The following NRXN3 variants were observed in gnomAD, a reference collection of about 807,000 sequenced individuals.
NRXN3 encodes neurexin 3.
Under a neutral mutation model 137.6 loss-of-function variants are expected in NRXN3, and 32 were observed. The ratio of observed to expected loss-of-function variants is 0.23; its 90% CI spans 0.18 to 0.31. The LOEUF is 0.31. Among genes scored for constraint, NRXN3 ranks in the 10% least tolerant of loss-of-function variants. NRXN3 has a pLI of 1.00. For missense variants in NRXN3, 1,574 were observed against 2,062.5 expected (o/e 0.76, Z 4.59); for synonymous variants, 798 against 784.5 (o/e 1.02, Z -0.29).
intron 16 of NRXN3, among the ~76,000 whole-genome samples, chr14:79,652,061 G>A (rs1361015311): frequency 1.3e-5 from 2 of 152,160 alleles, no homozygotes; most frequent in South Asian, 2.1e-4. Context: ...ATGACCTCCA[G>A]TGGACACAGA....
At chr14:78,886,606 T>C (rs536727190) in intron 10 of NRXN3, among the ~76,000 whole-genome samples, 1 of 152,224 alleles carries the variant, frequency 6.6e-6, no homozygotes, top group South Asian at 2.1e-4. Context: ...GGGAAAGTCA[T>C]AATGGGAATA....
chr14:78,572,510 C>A (rs1006674533), intron 4 of NRXN3, among the ~76,000 whole-genome samples: 1 of 152,220 alleles, frequency 6.6e-6, no homozygotes, highest in African/African-American at 2.4e-5. Context: ...TAAAACCAAA[C>A]CTTCTCTTGG....
intron 15 of NRXN3, among the ~76,000 whole-genome samples, chr14:79,190,698 C>A (rs966773569): frequency 6.6e-6 from 1 of 152,032 alleles, no homozygotes; most frequent in Non-Finnish European, 1.5e-5. Flanking sequence ...GCAAATTATT[C>A]TTAAGATCCC....
intron 4 of NRXN3, among the ~76,000 whole-genome samples, chr14:78,540,768 T>C (rs2096582194): frequency 6.6e-6 from 1 of 152,222 alleles, no homozygotes; most frequent in African/African-American, 2.4e-5. Context: ...GTTGTCTCTT[T>C]CCATGTTTAG....
chr14:79,200,576 A>G (rs7158076), intron 15 of NRXN3, among the ~76,000 whole-genome samples: 35,085 of 152,100 alleles, frequency 0.23, 4,757 homozygotes, highest in African/African-American at 0.36. Flanking sequence ...TCTTACAGTC[A>G]TCACTTTGTC....
intron 15 of NRXN3, among the ~76,000 whole-genome samples, chr14:79,110,710 G>A (rs779860765): frequency 2.6e-5 from 4 of 151,916 alleles, no homozygotes; most frequent in Non-Finnish European, 5.9e-5. Flanking sequence ...ATGAATAAAG[G>A]GTCCTGGGAA....
chr14:79,861,988 G>A lies in NRXN3; in HGVS notation c.*24G>A, dbSNP rs766234602. The A allele has an allele frequency of 1.3e-6, 2 of 1,558,918 alleles. No individual in the cohort carries two copies. The highest frequency in any genetic ancestry group is 1.8e-6 in the Non-Finnish European group (2 of 1,142,652). On this transcript the variant is annotated 3_prime_UTR_variant, in exon 21 of 21. Transcript: ENST00000335750. This position sits in a 1 kb window ranked among gnomAD's most constrained non-coding sequence, Gnocchi z 5.4. Reference sequence around the variant, plus strand: ...AAACATGCGAACACTGCTCACACGCGAGTTTTCACAGTTATTTCTATCCAC... The same window carrying A: ...AAACATGCGAACACTGCTCACACGCAAGTTTTCACAGTTATTTCTATCCAC...
chr14:78,296,612 A>G (rs1230810275), intron 3 of NRXN3, among the ~76,000 whole-genome samples: 1 of 152,210 alleles, frequency 6.6e-6, no homozygotes, highest in East Asian at 1.9e-4. Context: ...CTGGTCCTAG[A>G]GCAACAAATA....
chr14:78,988,832 A>G (rs1312259274), intron 15 of NRXN3, among the ~76,000 whole-genome samples: 3 of 152,054 alleles, frequency 2.0e-5, no homozygotes, highest in Non-Finnish European at 4.4e-5. Context: ...TATATTTTAT[A>G]TGTATATATT....
intron 4 of NRXN3, among the ~76,000 whole-genome samples, chr14:78,520,556 A>T (rs2096270908): frequency 6.6e-6 from 1 of 152,228 alleles, no homozygotes; most frequent in Non-Finnish European, 1.5e-5. Flanking sequence ...AATAGAGTGG[A>T]AAGAATACTG....
chr14:79,100,778 A>T (rs2051138556), intron 15 of NRXN3, among the ~76,000 whole-genome samples: 1 of 152,204 alleles, frequency 6.6e-6, no homozygotes, highest in South Asian at 2.1e-4. Flanking sequence ...TCAAATGGGG[A>T]CATGAAACCC....
At chr14:78,357,167 G>C (rs886952130) in intron 4 of NRXN3, among the ~76,000 whole-genome samples, 1 of 152,188 alleles carries the variant, frequency 6.6e-6, no homozygotes, top group Non-Finnish European at 1.5e-5. Context: ...TGAAGAACTC[G>C]TGGTTTCACG....
At chr14:79,782,843 A>G (rs2099118085) in intron 19 of NRXN3, among the ~76,000 whole-genome samples, 1 of 152,166 alleles carries the variant, frequency 6.6e-6, no homozygotes. Context: ...ATTCCCCCCT[A>G]CATTATGACA....
intron 6 of NRXN3, among the ~76,000 whole-genome samples, chr14:78,675,366 G>T (rs958805520): frequency 1.2e-4 from 19 of 152,226 alleles, no homozygotes; most frequent in African/African-American, 4.6e-4. Context: ...ATACCTGTAA[G>T]ATGTCTCTTC....
chr14:79,152,981 C>T (rs1210824014), intron 15 of NRXN3, among the ~76,000 whole-genome samples: 3 of 151,916 alleles, frequency 2.0e-5, no homozygotes, highest in Non-Finnish European at 4.4e-5. Context: ...TTTCACTTCC[C>T]TCTGTTTCAG....
intron 15 of NRXN3, among the ~76,000 whole-genome samples, chr14:79,222,113 A>G (rs372691720): frequency 1.3e-5 from 2 of 152,026 alleles, no homozygotes; most frequent in African/African-American, 2.4e-5. Flanking sequence ...ATTGGTCTAT[A>G]TATCTGTTTT....
At chr14:79,104,925 T>G (rs537346218) in intron 15 of NRXN3, among the ~76,000 whole-genome samples, 1 of 152,214 alleles carries the variant, frequency 6.6e-6, no homozygotes, top group South Asian at 2.1e-4. Flanking sequence ...CATCAAGATT[T>G]TATTTTGCCA....
chr14:79,799,719 T>TG (rs2099171186), intron 19 of NRXN3, among the ~76,000 whole-genome samples: 1 of 152,204 alleles, frequency 6.6e-6, no homozygotes, highest in Non-Finnish European at 1.5e-5. Context: ...GTCTCACCAC[T>TG]GCCTGTCCCT....
At chr14:79,072,571 A>C (rs959330042) in intron 15 of NRXN3, 3 of 152,214 alleles carry the variant, frequency 2.0e-5, no homozygotes. Context: ...GTTTTAAAAC[A>C]GAGAAAAAAG....
Sources: allele counts gnomAD v4.1 joint callset (sites outside exome capture counted in the v4.1 genomes callset), GRCh38; gene constraint gnomAD v4.1.1; non-coding constraint Gnocchi (gnomAD v3.1); transcripts MANE v1.5; gene names NCBI Gene and HGNC (gene_info 2026-07-23, HGNC 2026-07-21).